VMP1: variants seen among roughly 807,000 people sequenced by gnomAD.
VMP1 encodes vacuole membrane protein 1.
VMP1 carries 11 observed loss-of-function variants against 56.0 expected under a neutral mutation model. That is an observed-to-expected ratio of 0.20 (90% CI 0.12 to 0.32). VMP1 has a LOEUF of 0.32. VMP1 is among the 10% of genes least tolerant of loss of function. VMP1 has a pLI of 1.00. For synonymous variants in VMP1, 149 were observed against 165.0 expected (o/e 0.90, Z 0.74); for missense variants, 296 against 490.3 (o/e 0.60, Z 3.74).
intron 1 of VMP1, among the ~76,000 whole-genome samples, chr17:59,715,881 A>G (rs1234195355): frequency 6.6e-6 from 1 of 152,082 alleles, no homozygotes; most frequent in African/African-American, 2.4e-5. Flanking sequence ...TGCTAAATTC[A>G]CTTTGTTCTA....
chr17:59,807,419 G>A (rs1364499573), intron 7 of VMP1, among the ~76,000 whole-genome samples: 1 of 151,552 alleles, frequency 6.6e-6, no homozygotes, highest in African/African-American at 2.4e-5. Context: ...GAATGGTCTC[G>A]ATCTCCTGAC....
At chr17:59,748,890 A>ATTAT (rs1568072091) in intron 5 of VMP1, among the ~76,000 whole-genome samples, 21 of 65,830 alleles carry the variant, frequency 3.2e-4, no homozygotes, top group Admixed American at 6.9e-4. Flanking sequence ...TATTATTATT[A>ATTAT]TTTATTTTTT....
intron 1 of VMP1, among the ~76,000 whole-genome samples, chr17:59,716,243 G>C (rs1472583562): frequency 6.6e-6 from 1 of 152,174 alleles, no homozygotes; most frequent in East Asian, 1.9e-4. Context: ...CAACAGTCCA[G>C]TGAGAGTATT....
At chr17:59,722,362 A>C (rs1272292512) in intron 1 of VMP1, among the ~76,000 whole-genome samples, 1 of 152,198 alleles carries the variant, frequency 6.6e-6, no homozygotes. Flanking sequence ...CTTCTGCTGC[A>C]CTGTGCTGGA....
chr17:59,742,528 T>C (rs1368493432), intron 5 of VMP1, among the ~76,000 whole-genome samples: 2 of 146,500 alleles, frequency 1.4e-5, no homozygotes, highest in African/African-American at 5.1e-5. Flanking sequence ...AAAACAATAA[T>C]AATAATAATA....
chr17:59,763,859 G>C (rs191416026), intron 5 of VMP1, among the ~76,000 whole-genome samples: 1 of 152,212 alleles, frequency 6.6e-6, no homozygotes, highest in East Asian at 1.9e-4. Context: ...ATAAAATCTC[G>C]TGTATATATA....
chr17:59,801,091 A>AAAAAT (rs1307645697), intron 7 of VMP1, among the ~76,000 whole-genome samples: 23 of 109,324 alleles, frequency 2.1e-4, no homozygotes, highest in South Asian at 2.9e-4. Flanking sequence ...AAAAAAAAAA[A>AAAAAT]ATATATATAT....
At chr17:59,732,898 T>C (rs535472032) in intron 2 of VMP1, among the ~76,000 whole-genome samples, 1 of 152,328 alleles carries the variant, frequency 6.6e-6, no homozygotes, top group East Asian at 1.9e-4. Flanking sequence ...CTGGGCGTGG[T>C]GATTCACGCC....
chr17:59,713,876 A>G (rs953726691), intron 1 of VMP1, among the ~76,000 whole-genome samples: 1 of 151,442 alleles, frequency 6.6e-6, no homozygotes, highest in African/African-American at 2.4e-5. Context: ...CCCCATCTCT[A>G]CTAAAAATAC....
intron 7 of VMP1, among the ~76,000 whole-genome samples, chr17:59,781,743 AAAG>A (rs1248823285): frequency 1.3e-5 from 2 of 152,182 alleles, no homozygotes; most frequent in Admixed American, 6.5e-5. Flanking sequence ...AAATACAAAT[AAAG>A]AAGAAATAGA....
intron 5 of VMP1, among the ~76,000 whole-genome samples, chr17:59,755,742 G>GTT (rs57646102): frequency 0.014 from 1,914 of 140,392 alleles, 41 homozygotes; most frequent in African/African-American, 0.046. Flanking sequence ...TTGGTTTTTG[G>GTT]TTTTTTTTTT....
chr17:59,798,270 G>A (rs895647542), intron 7 of VMP1, among the ~76,000 whole-genome samples: 5 of 151,964 alleles, frequency 3.3e-5, no homozygotes, highest in African/African-American at 1.2e-4. Context: ...CCTATTTTTG[G>A]CACAACACTC....
chr17:59,715,725 T>G (rs1242660427), intron 1 of VMP1, among the ~76,000 whole-genome samples: 1 of 152,248 alleles, frequency 6.6e-6, no homozygotes, highest in Non-Finnish European at 1.5e-5. Context: ...TGCTTATATT[T>G]TGTTAAATTT....
At chr17:59,791,398 C>A (rs2037222188) in intron 7 of VMP1, among the ~76,000 whole-genome samples, 1 of 151,712 alleles carries the variant, frequency 6.6e-6, no homozygotes. Context: ...AGTATGTTGG[C>A]CAGGCTGGTC....
At chr17:59,786,819 G>A (rs1334971024) in intron 7 of VMP1, among the ~76,000 whole-genome samples, 1 of 152,204 alleles carries the variant, frequency 6.6e-6, no homozygotes, top group Non-Finnish European at 1.5e-5. Context: ...CTTCCTGCTT[G>A]CAGGATCTCT....
intron 1 of VMP1, among the ~76,000 whole-genome samples, chr17:59,711,577 A>G (rs570373168): frequency 6.6e-6 from 1 of 152,310 alleles, no homozygotes; most frequent in Non-Finnish European, 1.5e-5. Flanking sequence ...CTTATTTTAT[A>G]TGGGAAAGCA....
chr17:59,730,223 A>G (rs1337140141), intron 1 of VMP1, among the ~76,000 whole-genome samples: 2 of 151,836 alleles, frequency 1.3e-5, no homozygotes, highest in African/African-American at 2.4e-5. Flanking sequence ...CTTATGAAAT[A>G]TATGTGATTT....
At chr17:59,806,713 C>T (rs2037853996) in intron 7 of VMP1, among the ~76,000 whole-genome samples, 1 of 95,000 alleles carries the variant, frequency 1.1e-5, no homozygotes. Flanking sequence ...GAAAGTTTGT[C>T]TCAAAAAAAA....
intron 7 of VMP1, among the ~76,000 whole-genome samples, chr17:59,807,198 T>G (rs961848969): frequency 2.7e-5 from 4 of 150,088 alleles, no homozygotes; most frequent in African/African-American, 1.0e-4. Flanking sequence ...TTTGTTTTTT[T>G]GTTTTTTTTT....
Sources: allele counts gnomAD v4.1 joint callset (sites outside exome capture counted in the v4.1 genomes callset), GRCh38; gene constraint gnomAD v4.1.1; transcripts MANE v1.5; gene names NCBI Gene and HGNC (gene_info 2026-07-23, HGNC 2026-07-21).